AUTS2: variants seen among roughly 807,000 people sequenced by gnomAD.
AUTS2 encodes the protein activator of transcription and developmental regulator AUTS2.
AUTS2 carries 17 observed loss-of-function variants against 112.4 expected under a neutral mutation model. The observed-to-expected ratio is 0.15, with a 90% CI of 0.10 to 0.23. The LOEUF (loss-of-function observed/expected upper bound fraction) is 0.23, where lower values mean the gene tolerates loss of function less well. Among genes scored for constraint, AUTS2 ranks in the 10% least tolerant of loss-of-function variants. The pLI, the probability that AUTS2 is intolerant of heterozygous loss-of-function variation, is 1.00. For missense variants in AUTS2, 1,510 were observed against 1,701.6 expected, an observed-to-expected ratio of 0.89 and a Z score of 1.98; for synonymous variants, 751 against 702.7, an observed-to-expected ratio of 1.07 and a Z score of -1.09.
chr7:70,303,174 GCCATAT>G (rs1789302060), intron 4 of AUTS2, among the ~76,000 whole-genome samples: 2 of 152,034 alleles, frequency 1.3e-5, no homozygotes, highest in Non-Finnish European at 2.9e-5. Context: ...CCTTGGCATT[GCCATAT>G]GCTCTGTTGC....
chr7:70,427,590 G>GA (rs529981110), intron 4 of AUTS2, among the ~76,000 whole-genome samples: 9 of 151,700 alleles, frequency 5.9e-5, no homozygotes, highest in South Asian at 2.1e-4. Context: ...TGACAAAAAG[G>GA]AAAAAAAATA....
At chr7:70,779,601 G>C (rs980258567) in intron 14 of AUTS2, among the ~76,000 whole-genome samples, 4 of 152,202 alleles carry the variant, frequency 2.6e-5, no homozygotes, top group Non-Finnish European at 5.9e-5. Flanking sequence ...CTCACGCCAT[G>C]CTCTGTCAAT....
chr7:70,715,488 C>T (rs1185139207), intron 6 of AUTS2, among the ~76,000 whole-genome samples: 1 of 151,556 alleles, frequency 6.6e-6, no homozygotes, highest in Non-Finnish European at 1.5e-5. Context: ...TGTGGCACTT[C>T]CTGCATCCTG....
chr7:70,215,090 G>T (rs1018148473), intron 4 of AUTS2, among the ~76,000 whole-genome samples: 1 of 152,100 alleles, frequency 6.6e-6, no homozygotes, highest in African/African-American at 2.4e-5. Flanking sequence ...TTCAAGACTA[G>T]CCTGGGCAAC....
chr7:70,459,139 A>G (rs1796863559), intron 5 of AUTS2, among the ~76,000 whole-genome samples: 1 of 152,232 alleles, frequency 6.6e-6, no homozygotes, highest in African/African-American at 2.4e-5. Context: ...TCCTACCCTT[A>G]GTTGTTAATT....
chr7:70,072,851 C>T (rs1426402397), intron 2 of AUTS2, among the ~76,000 whole-genome samples: 1 of 152,142 alleles, frequency 6.6e-6, no homozygotes, highest in African/African-American at 2.4e-5. Flanking sequence ...TATCATTACC[C>T]CCATTTCAAA....
chr7:69,815,984 T>G (rs1374696390), intron 1 of AUTS2, among the ~76,000 whole-genome samples: 1 of 152,202 alleles, frequency 6.6e-6, no homozygotes, highest in Non-Finnish European at 1.5e-5. Context: ...TGGACTTGGG[T>G]GACTGTCAGT....
intron 4 of AUTS2, among the ~76,000 whole-genome samples, chr7:70,434,615 C>T (rs1407391756): frequency 6.6e-6 from 1 of 152,162 alleles, no homozygotes; most frequent in Non-Finnish European, 1.5e-5. Context: ...GGAATGGCTG[C>T]CAAACCACTC....
chr7:69,694,969 G>A (rs1022579407), intron 1 of AUTS2, among the ~76,000 whole-genome samples: 2 of 152,148 alleles, frequency 1.3e-5, no homozygotes, highest in Non-Finnish European at 2.9e-5. Context: ...ACAGAAATGG[G>A]TATTCCATGG....
intron 1 of AUTS2, among the ~76,000 whole-genome samples, chr7:69,726,199 T>G (rs1358918965): frequency 6.6e-6 from 1 of 152,198 alleles, no homozygotes; most frequent in Non-Finnish European, 1.5e-5. Context: ...TTGAATCAAT[T>G]CCTGCCCACC....
At chr7:70,488,167 ATC>A (rs1258129635) in intron 5 of AUTS2, among the ~76,000 whole-genome samples, 1 of 152,202 alleles carries the variant, frequency 6.6e-6, no homozygotes, top group Admixed American at 6.5e-5. Context: ...CCTGCAGAAC[ATC>A]TGTCCTTGGA....
intron 5 of AUTS2, among the ~76,000 whole-genome samples, chr7:70,440,965 G>A (rs1217482563): frequency 6.6e-6 from 1 of 152,176 alleles, no homozygotes; most frequent in Admixed American, 6.5e-5. Flanking sequence ...CTGCCTTATA[G>A]TAAATGTCAA....
chr7:69,974,145 G>T (rs1797965720), intron 2 of AUTS2, among the ~76,000 whole-genome samples: 1 of 151,032 alleles, frequency 6.6e-6, no homozygotes, highest in Non-Finnish European at 1.5e-5. Context: ...TTTCATATTT[G>T]GTGGGTTCTG....
At chr7:70,324,438 A>G (rs1463167188) in intron 4 of AUTS2, among the ~76,000 whole-genome samples, 1 of 152,170 alleles carries the variant, frequency 6.6e-6, no homozygotes, top group Non-Finnish European at 1.5e-5. Flanking sequence ...CCTGGGCAAC[A>G]TAGCAAGACC....
chr7:69,945,449 C>G lies in AUTS2; in HGVS notation c.522+45951C>G, dbSNP rs77803017. On this transcript the variant is annotated intron_variant, in intron 2 of 18. Transcript: ENST00000342771. ...ATCAGTACTTCATTCTCCTCACCCCCCAGCTTTATATTAAAGTATAATTGG... is the reference window on the plus strand; with the variant it reads ...ATCAGTACTTCATTCTCCTCACCCCGCAGCTTTATATTAAAGTATAATTGG... Among the ~76,000 whole-genome samples the G allele has an allele frequency of 8.6e-3, 1,311 of 152,236 alleles. 50 individuals carry two copies. In the East Asian group the frequency reaches 0.1, roughly 12 times the overall value.
At chr7:69,680,431 C>A (rs977110140) in intron 1 of AUTS2, among the ~76,000 whole-genome samples, 1 of 152,138 alleles carries the variant, frequency 6.6e-6, no homozygotes, top group African/African-American at 2.4e-5. Flanking sequence ...CACGCATTAT[C>A]ATTGTTGTTT....
intron 1 of AUTS2, among the ~76,000 whole-genome samples, chr7:69,773,331 C>T (rs568881426): frequency 6.6e-6 from 1 of 152,032 alleles, no homozygotes; most frequent in Middle Eastern, 3.4e-3. Flanking sequence ...CCAGCCTGGC[C>T]AACGTGGCGA....
intron 2 of AUTS2, among the ~76,000 whole-genome samples, chr7:70,087,794 T>C (rs1163301969): frequency 6.6e-6 from 1 of 152,210 alleles, no homozygotes; most frequent in Non-Finnish European, 1.5e-5. Flanking sequence ...ATTTATATTA[T>C]TGTTTCCTTA....
At chr7:70,706,272 G>A (rs1304700708) in intron 6 of AUTS2, among the ~76,000 whole-genome samples, 1 of 152,208 alleles carries the variant, frequency 6.6e-6, no homozygotes, top group African/African-American at 2.4e-5. Context: ...TGGTTATTCG[G>A]CTGGTAAAGG....
Sources: allele counts gnomAD v4.1 joint callset (sites outside exome capture counted in the v4.1 genomes callset), GRCh38; gene constraint gnomAD v4.1.1; transcripts MANE v1.5; gene names NCBI Gene and HGNC (gene_info 2026-07-23, HGNC 2026-07-21).